Variants in VSTM4 observed in about 807,000 individuals in gnomAD.
The protein encoded by VSTM4 is V-set and transmembrane domain containing 4, also known as V-set and transmembrane domain-containing protein 4.
In VSTM4, 20 loss-of-function variants were observed where a neutral mutation model predicts 36.4. The observed-to-expected ratio is 0.55, with a 90% CI of 0.39 to 0.80. VSTM4 has a LOEUF of 0.80. Among genes scored for constraint, VSTM4 ranks in the 30% least tolerant of loss-of-function variants. VSTM4 has a pLI of 0.00. For missense variants in VSTM4, 392 were observed against 404.5 expected (o/e 0.97, Z 0.26); for synonymous variants, 182 against 173.9 (o/e 1.05, Z -0.37).
intron 7 of VSTM4, among the ~76,000 whole-genome samples, chr10:49,035,669 CAA>C (rs3080379): frequency 1.4e-5 from 1 of 69,294 alleles, no homozygotes. Context: ...CCCAGCTCCA[CAA>C]AAAAAAAAAA....
chr10:49,020,119 A>G (rs529441062), intron 7 of VSTM4, among the ~76,000 whole-genome samples: 18 of 152,368 alleles, frequency 1.2e-4, no homozygotes, highest in South Asian at 4.1e-4. Context: ...AGGGAAATAT[A>G]AAAGTGGAGA....
Position 49,047,653 on chromosome 10 carries a change from C to G in VSTM4, c.776-609G>C, listed in dbSNP as rs1460546450. Among the ~76,000 whole-genome samples the G allele has an allele frequency of 3.9e-5, 6 of 152,178 alleles. No individual in the cohort carries two copies. In the East Asian group the frequency reaches 1.2e-3, roughly 29 times the overall value. ...ATGATGCCTGGCCCAGGCAGGCGTT[C>G]TCTACTCCCTTCCCTCCCAGGTCCA... On this transcript the variant is annotated intron_variant, in intron 6 of 7. Transcript: ENST00000332853.
intron 5 of VSTM4, among the ~76,000 whole-genome samples, chr10:49,055,874 G>A (rs943753390): frequency 6.6e-6 from 1 of 152,204 alleles, no homozygotes; most frequent in Non-Finnish European, 1.5e-5. Context: ...TGACCTTACT[G>A]GCAGTATTAT....
At chr10:49,028,640 A>T (rs1468593448) in intron 7 of VSTM4, among the ~76,000 whole-genome samples, 2 of 152,236 alleles carry the variant, frequency 1.3e-5, no homozygotes, top group African/African-American at 4.8e-5. Context: ...CTGGAACTTA[A>T]CATTCTTACT....
intron 5 of VSTM4, among the ~76,000 whole-genome samples, chr10:49,057,619 C>T (rs1270471975): frequency 6.6e-6 from 1 of 152,220 alleles, no homozygotes; most frequent in Non-Finnish European, 1.5e-5. Flanking sequence ...CACTCCCACC[C>T]CTGCCTGGAG....
chr10:49,105,203 GACAGAGAGAC>G, intron 2 of VSTM4, among the ~76,000 whole-genome samples: 1 of 107,656 alleles, frequency 9.3e-6, no homozygotes, highest in South Asian at 3.6e-4. Flanking sequence ...GAGAGGGAGA[GACAGAGAGAC>G]AGAGAGAGAG....
chr10:49,054,847 T>A (rs1410563128), intron 5 of VSTM4, among the ~76,000 whole-genome samples: 6 of 152,184 alleles, frequency 3.9e-5, no homozygotes, highest in African/African-American at 1.2e-4. Flanking sequence ...AGTCTCTCTC[T>A]GGGATGTGCA....
chr10:49,041,011 T>C (rs1843513026), intron 7 of VSTM4, among the ~76,000 whole-genome samples: 1 of 152,208 alleles, frequency 6.6e-6, no homozygotes, highest in Non-Finnish European at 1.5e-5. Flanking sequence ...ATAAGATGTC[T>C]CCAAATTATT....
intron 2 of VSTM4, chr10:49,102,749 C>T: frequency 1.0e-6 from 1 of 985,452 alleles, no homozygotes; most frequent in Non-Finnish European, 1.2e-6. Context: ...TTGCTAATGA[C>T]ACTTGACAAA....
At chr10:49,080,731 T>A (rs530190809) in intron 3 of VSTM4, among the ~76,000 whole-genome samples, 1 of 152,256 alleles carries the variant, frequency 6.6e-6, no homozygotes, top group Non-Finnish European at 1.5e-5. Context: ...CTTAATAGCA[T>A]CAACTGCTGG....
intron 3 of VSTM4, among the ~76,000 whole-genome samples, chr10:49,080,365 G>T (rs1844257297): frequency 6.6e-6 from 1 of 152,228 alleles, no homozygotes; most frequent in Non-Finnish European, 1.5e-5. Context: ...AGACATTCAG[G>T]TTCCTTTTGA....
chr10:49,107,630 C>T lies in VSTM4; in HGVS notation c.421G>A (p.Ala141Thr). The part of the protein sequence containing the change: ...EISRHRNKWT[A>T]WSNGSSATEM... ...GTGGCTGAGGAGCCATTGGACCAGGCCGTCCACTTGTTCCTGTGCCTGCTG... is the reference window on the plus strand; with the variant it reads ...GTGGCTGAGGAGCCATTGGACCAGGTCGTCCACTTGTTCCTGTGCCTGCTG... The change falls in exon 2 of 8, where the codon GCC (alanine) becomes ACC (threonine). Residue 141 changes from alanine to threonine, a missense_variant. Physicochemically the swap from Ala to Thr is moderately conservative, Grantham distance 58. Transcript: ENST00000332853. The T allele has an allele frequency of 6.2e-7, 1 of 1,612,966 alleles. No homozygotes were observed. Among genetic ancestry groups the T allele is most frequent in the East Asian group, 2.2e-5 (1 of 44,848 alleles).
At chr10:49,039,794 C>T (rs1843491577) in intron 7 of VSTM4, among the ~76,000 whole-genome samples, 1 of 152,226 alleles carries the variant, frequency 6.6e-6, no homozygotes, top group Non-Finnish European at 1.5e-5. Context: ...AGTCCTGTGT[C>T]CTGCGGCTGT....
At chr10:49,062,379 C>T (rs1843892390) in intron 5 of VSTM4, among the ~76,000 whole-genome samples, 1 of 152,066 alleles carries the variant, frequency 6.6e-6, no homozygotes, top group African/African-American at 2.4e-5. Context: ...TCTCTTTTAG[C>T]TTTCCTTCTT....
At chr10:49,064,804 A>G in intron 4 of VSTM4, 68 bp from the exon 5 acceptor site, 2 of 1,537,402 alleles carry the variant, frequency 1.3e-6, no homozygotes, top group South Asian at 2.3e-5. Context: ...TCCAGGAATT[A>G]CAAGGAAATG....
intron 4 of VSTM4, among the ~76,000 whole-genome samples, chr10:49,070,743 A>C (rs1844062690): frequency 1.3e-5 from 2 of 152,152 alleles, no homozygotes; most frequent in Admixed American, 1.3e-4. Flanking sequence ...AGGCTAACCA[A>C]CCCCCACAAA....
intron 7 of VSTM4, among the ~76,000 whole-genome samples, chr10:49,027,892 C>T (rs765081985): frequency 5.4e-4 from 82 of 152,168 alleles, no homozygotes; most frequent in Non-Finnish European, 9.4e-4. Flanking sequence ...TTGTTATAAA[C>T]GTTCAAATAT....
At chr10:49,104,127 T>C (rs1844721343) in intron 2 of VSTM4, among the ~76,000 whole-genome samples, 1 of 152,038 alleles carries the variant, frequency 6.6e-6, no homozygotes, top group Non-Finnish European at 1.5e-5. Flanking sequence ...GGAGAAACCC[T>C]ACCTCTACTA....
chr10:49,020,026 C>CA (rs1275092216), intron 7 of VSTM4, among the ~76,000 whole-genome samples: 3 of 151,916 alleles, frequency 2.0e-5, no homozygotes, highest in African/African-American at 4.8e-5. Flanking sequence ...GAAACACTCA[C>CA]AAAAAAATGA....
Sources: allele counts gnomAD v4.1 joint callset (sites outside exome capture counted in the v4.1 genomes callset), GRCh38; gene constraint gnomAD v4.1.1; transcripts MANE v1.5; gene names NCBI Gene and HGNC (gene_info 2026-07-23, HGNC 2026-07-21).